Variants in LRRK1 observed in about 807,000 individuals in gnomAD.
LRRK1 encodes leucine-rich repeat serine/threonine-protein kinase 1.
A neutral mutation model predicts 209.1 loss-of-function variants in LRRK1; 113 were observed. The ratio of observed to expected loss-of-function variants is 0.54; its 90% CI spans 0.46 to 0.63. The LOEUF (loss-of-function observed/expected upper bound fraction) is 0.63, where lower values mean the gene tolerates loss of function less well. Among genes scored for constraint, LRRK1 ranks in the 30% least tolerant of loss-of-function variants. LRRK1 has a pLI of 0.00. For missense variants in LRRK1, 2,284 were observed against 2,632.2 expected, an observed-to-expected ratio of 0.87 and a Z score of 2.89; for synonymous variants, 1,144 against 1,099.7, an observed-to-expected ratio of 1.04 and a Z score of -0.80.
At position 101,071,383 on chromosome 15, in the gene LRRK1, TTG is replaced by T; in HGVS notation, c.*2537_*2538del. On this transcript the variant is annotated 3_prime_UTR_variant, in exon 34 of 34. Coordinates refer to ENST00000388948, the MANE Select transcript of LRRK1 (RefSeq NM_024652.6). ...ACAGTCAAGAATCTCTGTGTTTTTT[TTG>T]TTTTGTTTTGTTTTTGTTTTTTGAG... 6.7e-6 allele frequency: 1 copy of T among 149,252 alleles called. No individual in the cohort carries two copies. Among genetic ancestry groups the T allele is most frequent in the Non-Finnish European group, 1.5e-5 (1 of 67,778 alleles). 9.2% of individuals were successfully genotyped at this position (149,252 alleles called of 1,614,324 possible). A position where few individuals can be genotyped will look rare whatever the true frequency, so the allele number is the denominator to read the frequency against.
At chr15:100,986,035 CAA>C (rs36053618) in intron 4 of LRRK1, among the ~76,000 whole-genome samples, 405 of 128,506 alleles carry the variant, frequency 3.2e-3, no homozygotes, top group African/African-American at 0.01. Flanking sequence ...CCTGTATCTA[CAA>C]AAAAAAAAAA....
At chr15:101,065,209 A>G in intron 31 of LRRK1, 143 bp from the exon 32 acceptor site, 2 of 895,892 alleles carry the variant, frequency 2.2e-6, no homozygotes, top group South Asian at 3.4e-5. Context: ...CGGCCTTTCT[A>G]AGAGATTTGC....
At position 101,077,172 on chromosome 15, in the gene LRRK1, A is replaced by ATTTG. The variant is rs1415043321; in HGVS notation, c.*8324_*8325insTTTG. The ATTTG allele has an allele frequency of 6.6e-6, 1 of 152,246 alleles. No homozygotes were observed. Among genetic ancestry groups the ATTTG allele is most frequent in the Non-Finnish European group, 1.5e-5 (1 of 68,038 alleles). The allele number at this position is 152,246 out of a possible 1,614,324, so 9.4% of individuals were successfully genotyped here. On this transcript the variant is annotated 3_prime_UTR_variant, in exon 34 of 34. Transcript: ENST00000388948. ...TTCAGGCCTGTCCTTGGAATGCTAC[A>ATTTG]AGGTACAGCCCATTTGAGCTCCTGT... is the stretch of plus-strand genomic sequence containing the variant.
chr15:100,950,380 G>T (rs919245142), intron 2 of LRRK1, among the ~76,000 whole-genome samples: 1 of 152,218 alleles, frequency 6.6e-6, no homozygotes, highest in Non-Finnish European at 1.5e-5. Context: ...TGTATTCATG[G>T]ATTGGAAGAC....
rs750583241 is a variant in LRRK1 at position 101,065,848 on chromosome 15, A to G, written c.5411A>G (p.Asn1804Ser). The change falls in exon 32 of 34, where the codon AAC becomes AGC. Residue 1804 changes from asparagine (N) to serine (S), a missense_variant. Physicochemically the swap from Asn to Ser is conservative, Grantham distance 46. Coordinates refer to ENST00000388948, the MANE Select transcript of LRRK1 (RefSeq NM_024652.6). ...TEPPAASHTA[N>S]PKVPEGDSIA... The stretch of plus-strand genomic sequence containing the variant: ...CCCCCGGCAGCCAGCCACACGGCCA[A>G]CCCAAAGGTGCCTGAGGGGGACTCC... 1.9e-6 allele frequency: 3 copies of G among 1,614,108 alleles called. No homozygotes were observed. The highest frequency in any genetic ancestry group is 2.2e-5 in the East Asian group (1 of 44,876).
rs77263883 is a variant in LRRK1 at position 100,950,093 on chromosome 15, C to T, written c.98-23711C>T. 2.6e-5 allele frequency among the ~76,000 whole-genome samples: 4 copies of T among 152,286 alleles called. No homozygotes were observed. In the East Asian group the frequency reaches 7.7e-4, roughly 29 times the overall value. On this transcript the variant is annotated intron_variant, in intron 2 of 33. Coordinates refer to ENST00000388948, the MANE Select transcript of LRRK1 (RefSeq NM_024652.6). ...TATTTTCCGGTGACATCATACTGTA[C>T]GTAGAATATTCTAAACAACACACAA...
Position 101,049,767 on chromosome 15 carries a change from T to C in LRRK1, c.3423T>C (p.Ile1141=). Residue 1141 remains isoleucine, a synonymous_variant, in exon 23 of 34, where the codon ATT becomes ATC. Transcript: ENST00000388948. ...TCACGGACCACGTCAATTCCTTGATTGATCAGTGGTTTCCCGGTAAGAGGA... is the reference window on the plus strand; with the variant it reads ...TCACGGACCACGTCAATTCCTTGATCGATCAGTGGTTTCCCGGTAAGAGGA... ...AFITDHVNSL[I]DQWFPALTAT... The C allele has an allele frequency of 1.9e-6, 3 of 1,613,464 alleles. No individual in the cohort carries two copies. The highest frequency in any genetic ancestry group is 2.5e-6 in the Non-Finnish European group (3 of 1,179,664).
intron 28 of LRRK1, 23 bp downstream of exon 28, chr15:101,057,073 G>A (rs376021625): frequency 1.9e-6 from 3 of 1,561,866 alleles, no homozygotes; most frequent in Non-Finnish European, 1.7e-6. Flanking sequence ...ACAGAGCCCA[G>A]GGCCTGGGAC....
intron 21 of LRRK1, among the ~76,000 whole-genome samples, chr15:101,047,389 C>G (rs961709050): frequency 2.6e-5 from 4 of 152,220 alleles, no homozygotes; most frequent in Admixed American, 6.5e-5. Context: ...TCCCATTCCT[C>G]TGCCCTCCCT....
chr15:101,001,433 G>A (rs541554028), intron 6 of LRRK1, among the ~76,000 whole-genome samples: 1 of 152,200 alleles, frequency 6.6e-6, no homozygotes, highest in Non-Finnish European at 1.5e-5. Flanking sequence ...GGCTTCTTTT[G>A]GCATTTTCTC....
rs1050348852 is a variant in LRRK1, at chr15:101,062,336, T to G, written c.4798-238T>G. On this transcript the variant is annotated intron_variant, in intron 30 of 33. Transcript: ENST00000388948. ...GTGCCCCCAGATCCCAATGTTGGTT[T>G]TCTCTGGGGAATAGATGACGGGCTA... is the stretch of plus-strand genomic sequence containing the variant. The G allele has an allele frequency of 1.7e-5, 7 of 410,530 alleles. No individual in the cohort carries two copies. The Admixed American group carries it at 2.4e-4, about 14-fold the overall frequency. 25.4% of individuals were successfully genotyped at this position (410,530 alleles called of 1,614,324 possible).
intron 2 of LRRK1, among the ~76,000 whole-genome samples, chr15:100,969,470 T>G (rs185518681): frequency 1.1e-4 from 16 of 152,314 alleles, no homozygotes; most frequent in African/African-American, 3.1e-4. Flanking sequence ...CCATGATTCA[T>G]CTCAGTTATT....
intron 6 of LRRK1, among the ~76,000 whole-genome samples, chr15:100,998,652 G>A (rs987785769): frequency 3.9e-5 from 6 of 152,200 alleles, no homozygotes; most frequent in East Asian, 3.9e-4. Flanking sequence ...TGGGTGTGTG[G>A]ATGGATGGAT....
At chr15:100,920,738 G>A (rs1163831293) in intron 1 of LRRK1, among the ~76,000 whole-genome samples, 28 of 146,204 alleles carry the variant, frequency 1.9e-4, no homozygotes. Flanking sequence ...TCTCTATATA[G>A]CAGCGTGCGT....
intron 3 of LRRK1, 36 bp downstream of exon 3, chr15:100,974,003 G>C (rs2031139106): frequency 3.2e-6 from 4 of 1,242,576 alleles, no homozygotes; most frequent in Middle Eastern, 2.6e-4. Flanking sequence ...CACCCATGCA[G>C]CCCCGGGCTG....
Position 100,983,652 on chromosome 15 carries a change from A to G in LRRK1, c.386A>G (p.Tyr129Cys), listed in dbSNP as rs776974790. 99 of 1,608,698 alleles carry G rather than the reference A, an allele frequency of 6.2e-5. No individual in the cohort carries two copies. Among genetic ancestry groups the G allele is most frequent in the Non-Finnish European group, 8.2e-5 (97 of 1,176,606 alleles). ...GACAACCCAGCCGTGGTGGCAGCGT[A>G]TTTTGGACACACGGCAGTTGTGCAG... The part of the protein sequence containing the change: ...TDDNPAVVAA[Y>C]FGHTAVVQEL... Residue 129 changes from tyrosine to cysteine, a missense_variant, in exon 4 of 34, where the codon TAT (tyrosine) becomes TGT (cysteine). Physicochemically the swap from Tyr to Cys is radical, Grantham distance 194 (BLOSUM62 -2). Coordinates refer to ENST00000388948, the MANE Select transcript of LRRK1 (RefSeq NM_024652.6).
At chr15:100,936,410 A>G (rs1050307386) in intron 2 of LRRK1, among the ~76,000 whole-genome samples, 5 of 152,158 alleles carry the variant, frequency 3.3e-5, no homozygotes, top group African/African-American at 1.2e-4. Flanking sequence ...GCTACCATCT[A>G]TTGCGCAGGG....
rs150838532 is a variant in LRRK1, at chr15:100,922,745, C to G, written c.-122-1766C>G. ...TCCCCTAAATTTTGCCCAGATTGAT[C>G]GTTTTTCCTTTCCTCCTTCGACTTT... On this transcript the variant is annotated intron_variant, in intron 1 of 33. Transcript: ENST00000388948. Among the ~76,000 whole-genome samples, 476 of 152,276 alleles carry G rather than the reference C, an allele frequency of 3.1e-3. 2 individuals carry two copies. Among genetic ancestry groups the G allele is most frequent in the African/African-American group, 0.011 (448 of 41,570 alleles).
At chr15:101,056,746 T>C (rs1254753959) in intron 27 of LRRK1, 110 bp from the exon 28 acceptor site, 10 of 790,518 alleles carry the variant, frequency 1.3e-5, no homozygotes, top group African/African-American at 3.5e-5. Context: ...GTTTGTTGAA[T>C]GTTTGTTTTC....
Sources: allele counts gnomAD v4.1 joint callset (sites outside exome capture counted in the v4.1 genomes callset), GRCh38; gene constraint gnomAD v4.1.1; transcripts MANE v1.5; gene names NCBI Gene and HGNC (gene_info 2026-07-23, HGNC 2026-07-21).